The following LHX4 variants were observed in gnomAD, a reference collection of about 807,000 sequenced individuals.
LHX4 encodes the protein LIM homeobox 4.
LHX4 carries 16 observed loss-of-function variants against 39.2 expected under a neutral mutation model. The observed-to-expected ratio is 0.41, with a 90% CI of 0.28 to 0.62. LHX4 has a LOEUF of 0.62. LHX4 is among the 20% of genes least tolerant of loss of function. The probability of loss-of-function intolerance (pLI) is 0.33; values close to 1 mark genes in which losing one functional copy is unlikely to be tolerated. For synonymous variants in LHX4, 206 were observed against 198.1 expected (o/e 1.04, Z -0.33); for missense variants, 439 against 511.9 (o/e 0.86, Z 1.37).
At chr1:180,250,131 C>T (rs1341296086) in intron 2 of LHX4, among the ~76,000 whole-genome samples, 1 of 152,130 alleles carries the variant, frequency 6.6e-6, no homozygotes, top group Non-Finnish European at 1.5e-5. Context: ...TCACAATCTT[C>T]CTGTTGCTTT....
chr1:180,257,578 A>G (rs182465814), intron 2 of LHX4, among the ~76,000 whole-genome samples: 208 of 152,316 alleles, frequency 1.4e-3, no homozygotes, highest in Non-Finnish European at 2.1e-3. Context: ...GGGCGGTGAT[A>G]TATGTTGGAA....
intron 2 of LHX4, among the ~76,000 whole-genome samples, chr1:180,252,679 T>A (rs1160576999): frequency 6.6e-6 from 1 of 152,126 alleles, no homozygotes; most frequent in Non-Finnish European, 1.5e-5. Context: ...GTTCTGCAGA[T>A]CAATACGGAG....
Position 180,250,739 on chromosome 1 carries a change from T to C in LHX4, c.248+2283T>C, listed in dbSNP as rs540928195. On this transcript the variant is annotated intron_variant, in intron 2 of 5. Coordinates refer to ENST00000263726, the MANE Select transcript of LHX4 (RefSeq NM_033343.4). ...AGGGCCCTGTCTGATTTTTGGACCC[T>C]GAGTGGCTGGCTATGGTTTGGAAAG... 3.3e-5 allele frequency among the ~76,000 whole-genome samples: 5 copies of C among 152,236 alleles called. No individual in the cohort carries two copies. In the South Asian group the frequency reaches 1.0e-3, roughly 32 times the overall value.
Position 180,276,931 on chromosome 1 carries a change from T to C in LHX4, c.*2352T>C, listed in dbSNP as rs984710083. ...TTAATCATACTAATTCCCAGTTCAA[T>C]AGTGGAAGGAGAGGCCTTCCTCATT... On this transcript the variant is annotated 3_prime_UTR_variant, in exon 6 of 6. Transcript: ENST00000263726. 5 of 152,188 alleles carry C rather than the reference T, an allele frequency of 3.3e-5. No homozygotes were observed. The highest frequency in any genetic ancestry group is 1.2e-4 in the African/African-American group (5 of 41,430). 9.4% of individuals were successfully genotyped at this position (152,188 alleles called of 1,614,324 possible). A position where few individuals can be genotyped will look rare whatever the true frequency, so the allele number is the denominator to read the frequency against.
chr1:180,268,155 T>TAG (rs1180229396), intron 3 of LHX4, among the ~76,000 whole-genome samples: 1 of 152,182 alleles, frequency 6.6e-6, no homozygotes, highest in Non-Finnish European at 1.5e-5. Context: ...CATGGGAGAT[T>TAG]AGGGCAACTT....
chr1:180,252,575 G>A (rs1233685945), intron 2 of LHX4, among the ~76,000 whole-genome samples: 1 of 152,174 alleles, frequency 6.6e-6, no homozygotes, highest in Non-Finnish European at 1.5e-5. Flanking sequence ...CTAAGTTCCT[G>A]GATCAATACT....
intron 3 of LHX4, 54 bp from the exon 4 acceptor site, chr1:180,271,326 G>A: frequency 1.2e-6 from 2 of 1,602,376 alleles, no homozygotes; most frequent in Admixed American, 1.7e-5. Flanking sequence ...TGTGGGAGGA[G>A]GCGCAGCTGC....
intron 2 of LHX4, among the ~76,000 whole-genome samples, chr1:180,264,294 T>G (rs144463138): frequency 1.3e-5 from 2 of 152,242 alleles, no homozygotes; most frequent in Non-Finnish European, 2.9e-5. Flanking sequence ...TGGCTGGGAT[T>G]GGATATTAAA....
rs1388456847 is a variant in LHX4, at chr1:180,234,900, C to T, written c.76+4295C>T. On this transcript the variant is annotated intron_variant, in intron 1 of 5. Coordinates refer to ENST00000263726, the MANE Select transcript of LHX4 (RefSeq NM_033343.4). This position sits in a 1 kb window ranked among gnomAD's most constrained non-coding sequence, Gnocchi z 4.8. ...CGCTACGACCGGGGCAGGGCTCCTC[C>T]GCCCCGCGGGCAGATGCCGGCCTGG... Among the ~76,000 whole-genome samples, 1 of 152,226 alleles carries T rather than the reference C, an allele frequency of 6.6e-6. No homozygotes were observed. Among genetic ancestry groups the T allele is most frequent in the Admixed American group, 6.5e-5 (1 of 15,286 alleles).
intron 1 of LHX4, among the ~76,000 whole-genome samples, chr1:180,242,640 G>T (rs567395534): frequency 6.6e-6 from 1 of 152,220 alleles, no homozygotes; most frequent in South Asian, 2.1e-4. Flanking sequence ...TCTGGTGGGC[G>T]GGCCTTGCAG....
rs1013855406 is a variant in LHX4 at position 180,230,404 on chromosome 1, C to G, written c.-126C>G. 5.6e-5 allele frequency: 45 copies of G among 808,148 alleles called. No homozygotes were observed. The highest frequency in any genetic ancestry group is 2.2e-4 in the South Asian group (15 of 68,654). The allele number at this position is 808,148 out of a possible 1,614,324, so 50.1% of individuals were successfully genotyped here. ...AGTCCTCCCTGAGAAGCGGAGGGCC[C>G]GGCTTCCACCGTGACTCCAGCGGCC... On this transcript the variant is annotated 5_prime_UTR_variant, in exon 1 of 6. Transcript: ENST00000263726. This position sits in a 1 kb window ranked among gnomAD's most constrained non-coding sequence, Gnocchi z 5.8.
rs10561933 is a variant in LHX4, at chr1:180,264,378, AACACACAC to A, written c.249-1986_249-1979del. Among the ~76,000 whole-genome samples, 269 of 145,388 alleles carry A rather than the reference AACACACAC, an allele frequency of 1.9e-3. 1 individual carries two copies. Among genetic ancestry groups the A allele is most frequent in the South Asian group, 4.0e-3 (18 of 4,468 alleles). ...CTTTCTCTGTTATACACACACACAT[AACACACAC>A]ACACACACACACACACACACACACA... is the stretch of plus-strand genomic sequence containing the variant. On this transcript the variant is annotated intron_variant, in intron 2 of 5. Transcript: ENST00000263726.
rs1318939460 is a variant in LHX4 at position 180,274,938 on chromosome 1, T to A, written c.*359T>A. Reference sequence around the variant, plus strand: ...CCCCCTTGGCCTTTGGGAACTTTGCTCCAACTGGTGTGTCTCACACAATGC... The same window carrying A: ...CCCCCTTGGCCTTTGGGAACTTTGCACCAACTGGTGTGTCTCACACAATGC... On this transcript the variant is annotated 3_prime_UTR_variant, in exon 6 of 6. Transcript: ENST00000263726. 1 of 206,776 alleles carries A rather than the reference T, an allele frequency of 4.8e-6. No individual in the cohort carries two copies. The highest frequency in any genetic ancestry group is 9.8e-6 in the Non-Finnish European group (1 of 101,958). 12.8% of individuals were successfully genotyped at this position (206,776 alleles called of 1,614,324 possible).
At chr1:180,244,116 TACAC>T (rs1647291908) in intron 1 of LHX4, among the ~76,000 whole-genome samples, 1 of 152,208 alleles carries the variant, frequency 6.6e-6, no homozygotes, top group Admixed American at 6.5e-5. Flanking sequence ...ACTGACGTAA[TACAC>T]ACTCAAGCCC....
chr1:180,249,237 G>A (rs750381193), intron 2 of LHX4, among the ~76,000 whole-genome samples: 14 of 152,224 alleles, frequency 9.2e-5, no homozygotes, highest in Admixed American at 5.9e-4. Context: ...TTGAGTGTTA[G>A]CTCTTAAGAC....
At chr1:180,248,973 G>T (rs996042195) in intron 2 of LHX4, among the ~76,000 whole-genome samples, 1 of 152,168 alleles carries the variant, frequency 6.6e-6, no homozygotes, top group Admixed American at 6.5e-5. Context: ...AGCCAGGCTC[G>T]GTCAATGTCG....
At chr1:180,244,738 G>T (rs1013919483) in intron 1 of LHX4, among the ~76,000 whole-genome samples, 6 of 152,174 alleles carry the variant, frequency 3.9e-5, no homozygotes, top group Non-Finnish European at 7.3e-5. Context: ...GAGGTGCAAG[G>T]AGTTGGGCTA....
chr1:180,257,541 C>A (rs1647907945), intron 2 of LHX4, among the ~76,000 whole-genome samples: 1 of 152,158 alleles, frequency 6.6e-6, no homozygotes, highest in Non-Finnish European at 1.5e-5. Flanking sequence ...ACTTTATGTG[C>A]CCATGACATG....
At chr1:180,255,564 A>G (rs759434297) in intron 2 of LHX4, among the ~76,000 whole-genome samples, 4 of 152,248 alleles carry the variant, frequency 2.6e-5, no homozygotes, top group African/African-American at 7.2e-5. Flanking sequence ...TGGTCCGGAT[A>G]GTGGCTGTGC....
Sources: allele counts gnomAD v4.1 joint callset (sites outside exome capture counted in the v4.1 genomes callset), GRCh38; gene constraint gnomAD v4.1.1; non-coding constraint Gnocchi (gnomAD v3.1); transcripts MANE v1.5; gene names NCBI Gene and HGNC (gene_info 2026-07-23, HGNC 2026-07-21).